The following ADTRP variants were observed in gnomAD, a reference collection of about 807,000 sequenced individuals.
The protein encoded by ADTRP is androgen-dependent TFPI-regulating protein.
Under a neutral mutation model 27.0 loss-of-function variants are expected in ADTRP, and 20 were observed. The observed-to-expected ratio is 0.74, with a 90% CI of 0.52 to 1.08. The LOEUF (loss-of-function observed/expected upper bound fraction) is 1.08. Among genes scored for constraint, ADTRP ranks in the 50% least tolerant of loss-of-function variants. The pLI is 0.00. For missense variants in ADTRP, 251 were observed against 275.0 expected (o/e 0.91, Z 0.62); for synonymous variants, 101 against 105.2 (o/e 0.96, Z 0.25).
chr6:11,775,982 C>T (rs1763945253), intron 1 of ADTRP, among the ~76,000 whole-genome samples: 1 of 152,172 alleles, frequency 6.6e-6, no homozygotes, highest in Admixed American at 6.5e-5. Context: ...TTAATAAACA[C>T]AACCACCAAT....
chr6:11,735,904 C>T (rs914754233), intron 3 of ADTRP: 4 of 485,866 alleles, frequency 8.2e-6, no homozygotes, highest in African/African-American at 7.9e-5. Context: ...CAATGTGTCT[C>T]ACCCTCTCTC....
In ADTRP at chr6:11,714,297, A is replaced by C; in HGVS notation, c.*181T>G. The stretch of plus-strand genomic sequence containing the variant: ...TGGCATGTGCAGTCAACCTTTCAAA[A>C]AACCAAGAGTTCTCAAGTTAAGCTA... On this transcript the variant is annotated 3_prime_UTR_variant, in exon 6 of 6. Transcript: ENST00000414691. The C allele has an allele frequency of 3.0e-6, 2 of 666,438 alleles. No homozygotes were observed. The highest frequency in any genetic ancestry group is 5.0e-6 in the Non-Finnish European group (2 of 399,460). 41.3% of individuals were successfully genotyped at this position (666,438 alleles called of 1,614,324 possible). A position where few individuals can be genotyped will look rare whatever the true frequency, so the allele number is the denominator to read the frequency against.
intron 3 of ADTRP, among the ~76,000 whole-genome samples, chr6:11,753,538 T>A (rs1763119082): frequency 6.6e-6 from 1 of 152,232 alleles, no homozygotes; most frequent in African/African-American, 2.4e-5. Context: ...ATCCTGATGA[T>A]ATTTTAAGCT....
chr6:11,747,091 A>G (rs184487484), intron 3 of ADTRP, among the ~76,000 whole-genome samples: 4 of 152,332 alleles, frequency 2.6e-5, no homozygotes, highest in Admixed American at 2.0e-4. Context: ...ACTCCTGAGA[A>G]CGCAAGCCTG....
chr6:11,716,479 C>T (rs1005904997), intron 5 of ADTRP, among the ~76,000 whole-genome samples: 2 of 152,098 alleles, frequency 1.3e-5, no homozygotes, highest in African/African-American at 2.4e-5. Context: ...CCCACATACC[C>T]ATCCACATGC....
At chr6:11,737,048 C>T (rs1041649351) in intron 3 of ADTRP, among the ~76,000 whole-genome samples, 6 of 151,966 alleles carry the variant, frequency 3.9e-5, no homozygotes, top group Non-Finnish European at 7.4e-5. Flanking sequence ...GGAATGATGG[C>T]GTTTTCAGAT....
At chr6:11,737,923 G>A (rs1031487634) in intron 3 of ADTRP, among the ~76,000 whole-genome samples, 11 of 152,122 alleles carry the variant, frequency 7.2e-5, no homozygotes, top group Admixed American at 5.2e-4. Context: ...GTGTCTCTCC[G>A]TCTAATAAAA....
chr6:11,750,574 C>T (rs1168397632), intron 3 of ADTRP, among the ~76,000 whole-genome samples: 1 of 152,236 alleles, frequency 6.6e-6, no homozygotes, highest in Admixed American at 6.5e-5. Context: ...GATCAAGAGC[C>T]TTTTCTTAAT....
intron 5 of ADTRP, among the ~76,000 whole-genome samples, chr6:11,719,638 G>A (rs1761947676): frequency 6.6e-6 from 1 of 152,158 alleles, no homozygotes; most frequent in African/African-American, 2.4e-5. Flanking sequence ...TGCTTGGCTG[G>A]TGACTTCAAA....
At chr6:11,774,311 A>AAATAAATAAATAAAT (rs1554116597) in intron 1 of ADTRP, among the ~76,000 whole-genome samples, 1 of 144,614 alleles carries the variant, frequency 6.9e-6, no homozygotes, top group Non-Finnish European at 1.5e-5. Flanking sequence ...TTCCATCTCA[A>AAATAAATAAATAAAT]AAATAAATAA....
chr6:11,758,592 T>G (rs1405073084), intron 3 of ADTRP, among the ~76,000 whole-genome samples: 9 of 110,372 alleles, frequency 8.2e-5, no homozygotes, highest in East Asian at 3.2e-4. Flanking sequence ...GGGGGACGGA[T>G]AGCATTAGGA....
chr6:11,721,078 A>G (rs1260827169), intron 5 of ADTRP, among the ~76,000 whole-genome samples: 4 of 152,222 alleles, frequency 2.6e-5, no homozygotes, highest in Admixed American at 1.3e-4. Context: ...CGCAGTCATG[A>G]TAAAATGGTA....
At chr6:11,750,732 TTC>T (rs1346618895) in intron 3 of ADTRP, among the ~76,000 whole-genome samples, 1 of 152,234 alleles carries the variant, frequency 6.6e-6, no homozygotes, top group Non-Finnish European at 1.5e-5. Flanking sequence ...TAATCACTAG[TTC>T]TCTTTCTTTG....
chr6:11,750,066 C>T lies in ADTRP; in HGVS notation c.391-14383G>A, dbSNP rs114599549. On this transcript the variant is annotated intron_variant, in intron 3 of 5. Coordinates refer to ENST00000414691, the MANE Select transcript of ADTRP (RefSeq NM_032744.4). ...AGACTGGAGGCCAGAGAACAGGACT[C>T]AGAAAATTGCTCAAGCAGCAGGTGC... 4.4e-3 allele frequency among the ~76,000 whole-genome samples: 673 copies of T among 152,246 alleles called. 24 individuals are homozygous for T. The highest frequency in any genetic ancestry group is 0.029 in the Admixed American group (446 of 15,300).
chr6:11,760,528 T>C (rs1045608480), intron 3 of ADTRP, among the ~76,000 whole-genome samples: 1 of 152,150 alleles, frequency 6.6e-6, no homozygotes, highest in African/African-American at 2.4e-5. Context: ...AAGGCTGGAG[T>C]ATTCCAAGAC....
At chr6:11,743,110 T>C (rs1218933994) in intron 3 of ADTRP, among the ~76,000 whole-genome samples, 89 of 152,210 alleles carry the variant, frequency 5.8e-4, no homozygotes, top group Admixed American at 5.8e-3. Flanking sequence ...CACTCTTCTG[T>C]CTGTTCTGCA....
In ADTRP at chr6:11,735,700, G is replaced by A; in HGVS notation, c.391-17C>T. The A allele has an allele frequency of 6.3e-7, 1 of 1,579,516 alleles. No individual in the cohort carries two copies. The highest frequency in any genetic ancestry group is 8.7e-7 in the Non-Finnish European group (1 of 1,149,158). On this transcript the variant is annotated splice_polypyrimidine_tract_variant and intron_variant, in intron 3 of 5. Transcript: ENST00000414691. Reference sequence around the variant, plus strand: ...GAAAGTGTGCTGCAGGAGAGAAAATGGCAAATCAGAATGGCAGGGTGTCCA... The same window carrying A: ...GAAAGTGTGCTGCAGGAGAGAAAATAGCAAATCAGAATGGCAGGGTGTCCA...
chr6:11,742,789 T>A (rs1762758234), intron 3 of ADTRP, among the ~76,000 whole-genome samples: 3 of 152,226 alleles, frequency 2.0e-5, no homozygotes, highest in African/African-American at 4.8e-5. Context: ...TAATATTTTA[T>A]AATTTTGTAG....
chr6:11,773,493 G>T (rs1363505131), intron 1 of ADTRP, among the ~76,000 whole-genome samples: 1 of 152,208 alleles, frequency 6.6e-6, no homozygotes, highest in Non-Finnish European at 1.5e-5. Context: ...AGCTGTCCGG[G>T]AGTGCAGCAT....
Sources: gnomAD v4.1 joint callset for allele counts (sites outside exome capture counted in the v4.1 genomes callset) on GRCh38, gnomAD v4.1.1 for gene constraint, MANE v1.5 for transcripts, NCBI Gene and HGNC (gene_info 2026-07-23, HGNC 2026-07-21) for gene names.